KLRC2: variants seen among roughly 807,000 people sequenced by gnomAD.
KLRC2 encodes killer cell lectin like receptor C2.
KLRC2 carries 10 observed loss-of-function variants against 25.5 expected under a neutral mutation model. The observed-to-expected ratio is 0.39, with a 90% CI of 0.24 to 0.67. The LOEUF is 0.67. KLRC2 is among the 30% of genes least tolerant of loss of function. The pLI, the probability that KLRC2 is intolerant of heterozygous loss-of-function variation, is 0.45. For synonymous variants in KLRC2, 48 were observed against 93.3 expected (o/e 0.51, Z 2.80); for missense variants, 170 against 272.8 (o/e 0.62, Z 2.65).
intron 4 of KLRC2, 97 bp downstream of exon 4, chr12:10,433,694 G>A (rs1863838879): frequency 4.9e-6 from 6 of 1,235,566 alleles, no homozygotes; most frequent in East Asian, 2.6e-5. Flanking sequence ...GAAAATATAT[G>A]AGATAAATAT....
chr12:10,431,059 T>A lies in KLRC2; in HGVS notation c.*58A>T. 9 of 1,257,168 alleles carry A rather than the reference T, an allele frequency of 7.2e-6. No individual in the cohort carries two copies. The highest frequency in any genetic ancestry group is 8.8e-6 in the Non-Finnish European group (8 of 906,624). 77.9% of individuals were successfully genotyped at this position (1,257,168 alleles called of 1,614,324 possible). ...TTTCAGATTTATGCAATCATAATAT[T>A]TCTATTTTAAGAAATATAAAATGTA... On this transcript the variant is annotated 3_prime_UTR_variant, in exon 6 of 6. Coordinates refer to ENST00000381902, the MANE Select transcript of KLRC2 (RefSeq NM_002260.4).
chr12:10,432,087 G>T lies in KLRC2; in HGVS notation c.584+19C>A. 1 of 1,448,974 alleles carries T rather than the reference G, an allele frequency of 6.9e-7. No individual in the cohort carries two copies. Among genetic ancestry groups the T allele is most frequent in the Non-Finnish European group, 9.5e-7 (1 of 1,055,200 alleles). 89.8% of individuals were successfully genotyped at this position (1,448,974 alleles called of 1,614,324 possible). On this transcript the variant is annotated intron_variant, in intron 5 of 5. Coordinates refer to ENST00000381902, the MANE Select transcript of KLRC2 (RefSeq NM_002260.4). ...CCTTTATATATATTTTTTATATAGC[G>T]CCATACAAAAGAACTTACTTATGTT...
chr12:10,431,274 A>G, intron 5 of KLRC2, 46 bp from the exon 6 acceptor site: 1 of 1,511,704 alleles, frequency 6.6e-7, no homozygotes, highest in Non-Finnish European at 9.1e-7. Context: ...TAAGCAAATG[A>G]TTCATGAGAC....
intron 4 of KLRC2, 67 bp from the exon 5 acceptor site, chr12:10,432,273 A>C: frequency 9.3e-7 from 1 of 1,080,268 alleles, no homozygotes; most frequent in South Asian, 1.7e-5. Flanking sequence ...CAATATATTA[A>C]AGTTGAAAAC....
chr12:10,433,426 G>T (rs966836996), intron 4 of KLRC2, among the ~76,000 whole-genome samples: 1 of 139,980 alleles, frequency 7.1e-6, no homozygotes, highest in Non-Finnish European at 1.5e-5. Flanking sequence ...GGCATACACA[G>T]GGGTGGAACT....
At position 10,432,646 on chromosome 12, in the gene KLRC2, A is replaced by C. The variant is rs1418576975; in HGVS notation, c.484-440T>G. 2.9e-5 allele frequency among the ~76,000 whole-genome samples: 4 copies of C among 138,254 alleles called. 1 individual carries two copies. Among genetic ancestry groups the C allele is most frequent in the African/African-American group, 5.6e-5 (2 of 35,892 alleles). 90.7% of individuals were successfully genotyped at this position (138,254 alleles called of 152,430 possible). A position where few individuals can be genotyped will look rare whatever the true frequency, so the allele number is the denominator to read the frequency against. On this transcript the variant is annotated intron_variant, in intron 4 of 5. Coordinates refer to ENST00000381902, the MANE Select transcript of KLRC2 (RefSeq NM_002260.4). ...CATTCTTTAACTAGATAAGCCCTCA[A>C]TTTTTATCCGATTCGGTTTTTGCGG...
At chr12:10,434,732 T>A (rs1411047717) in intron 2 of KLRC2, among the ~76,000 whole-genome samples, 1 of 151,808 alleles carries the variant, frequency 6.6e-6, no homozygotes, top group Non-Finnish European at 1.5e-5. Flanking sequence ...AACTTCACCA[T>A]CTCTTGTAGT....
chr12:10,434,159 T>C (rs1565507411), intron 3 of KLRC2: 3 of 817,586 alleles, frequency 3.7e-6, no homozygotes, highest in South Asian at 1.5e-5. Flanking sequence ...ATAAAGCAAA[T>C]GAACAAACAA....
At position 10,430,940 on chromosome 12, in the gene KLRC2, C is replaced by T; in HGVS notation, c.*177G>A. ...CATGTTGAGCAAAATGAGCCCGACA[C>T]AAATGCTAGGATGTCTGTACTTTAG... On this transcript the variant is annotated 3_prime_UTR_variant, in exon 6 of 6. Coordinates refer to ENST00000381902, the MANE Select transcript of KLRC2 (RefSeq NM_002260.4). 1.7e-6 allele frequency: 2 copies of T among 1,187,274 alleles called. 1 individual carries two copies. The highest frequency in any genetic ancestry group is 2.2e-6 in the Non-Finnish European group (2 of 912,592). 73.5% of individuals were successfully genotyped at this position (1,187,274 alleles called of 1,614,324 possible).
Position 10,430,883 on chromosome 12 carries a change from C to T in KLRC2, c.*234G>A, listed in dbSNP as rs1863803500. ...CCTATAAGCTGACTCACATAACATGCAACTTTTAGAAAGGCTGAAAACCAC... is the reference window on the plus strand; with the variant it reads ...CCTATAAGCTGACTCACATAACATGTAACTTTTAGAAAGGCTGAAAACCAC... On this transcript the variant is annotated 3_prime_UTR_variant, in exon 6 of 6. Transcript: ENST00000381902. 3 of 885,538 alleles carry T rather than the reference C, an allele frequency of 3.4e-6. No homozygotes were observed. Among genetic ancestry groups the T allele is most frequent in the South Asian group, 4.3e-5 (2 of 46,796 alleles). The allele number at this position is 885,538 out of a possible 1,614,324, so 54.9% of individuals were successfully genotyped here. A position where few individuals can be genotyped will look rare whatever the true frequency, so the allele number is the denominator to read the frequency against.
chr12:10,431,122 G>C lies in KLRC2; in HGVS notation c.691C>G (p.Leu231Val). 1 of 1,519,724 alleles carries C rather than the reference G, an allele frequency of 6.6e-7. No homozygotes were observed. The highest frequency in any genetic ancestry group is 9.0e-7 in the Non-Finnish European group (1 of 1,109,562). 94.1% of individuals were successfully genotyped at this position (1,519,724 alleles called of 1,614,324 possible). The change falls in exon 6 of 6, where the codon CTT becomes GTT. Residue 231 changes from leucine to valine, a missense_variant. By Grantham distance (32) the Leu-to-Val change is conservative (BLOSUM62 1). Coordinates refer to ENST00000381902, the MANE Select transcript of KLRC2 (RefSeq NM_002260.4). The part of the protein sequence containing the change: ...SSMIYHCKHK[L>V] ...CAAACGCAAATGCTTTACTTCTAAA[G>C]CTTATGCTTACAATGATATATCATT...
At chr12:10,431,948 G>A (rs951940952) in intron 5 of KLRC2, among the ~76,000 whole-genome samples, 158 bp downstream of exon 5, 1 of 140,874 alleles carries the variant, frequency 7.1e-6, no homozygotes, top group African/African-American at 2.7e-5. Flanking sequence ...TGAAATATAT[G>A]GACTACTATG....
chr12:10,434,192 G>T, intron 3 of KLRC2: 1 of 663,174 alleles, frequency 1.5e-6, no homozygotes. Context: ...CACATGTGTT[G>T]AACATCGCTG....
In KLRC2 at chr12:10,433,799, C is replaced by A; in HGVS notation, c.475G>T (p.Glu159Ter). 6.5e-7 allele frequency: 1 copy of A among 1,548,648 alleles called. No homozygotes were observed. Among genetic ancestry groups the A allele is most frequent in the Non-Finnish European group, 8.8e-7 (1 of 1,135,210 alleles). The change falls in exon 4 of 6, where the codon GAA (glutamate) becomes TAA (stop). Residue 159 changes from glutamate (E) to a stop codon, truncating the protein, a stop_gained. Coordinates refer to ENST00000381902, the MANE Select transcript of KLRC2 (RefSeq NM_002260.4). LOFTEE classifies it high-confidence loss of function. The stretch of plus-strand genomic sequence containing the variant: ...AAACATTTACATCTTACCATTTCTT[C>A]TTCATTATCTATAGAAAGCAGACTG... ...NSSLLSIDNE[E>*]EMKFLASILP... is the part of the protein sequence containing the mutation.
intron 4 of KLRC2, among the ~76,000 whole-genome samples, chr12:10,432,894 C>T (rs1219716465): frequency 7.3e-6 from 1 of 137,672 alleles, no homozygotes; most frequent in South Asian, 2.3e-4. Flanking sequence ...GTGACCTAGG[C>T]CTGCTGTTTC....
rs549790432 is a variant in KLRC2, at chr12:10,431,901, G to C, written c.584+205C>G. On this transcript the variant is annotated intron_variant, in intron 5 of 5. Transcript: ENST00000381902. ...AAGATGGGACACCCCTGGTCCATCT[G>C]ATAACCAAGAAGGTTACTAGCAGAC... Among the ~76,000 whole-genome samples, 20 of 140,732 alleles carry C rather than the reference G, an allele frequency of 1.4e-4. 1 individual carries two copies. The highest frequency in any genetic ancestry group is 1.1e-3 in the East Asian group (5 of 4,710). The allele number at this position is 140,732 out of a possible 152,430, so 92.3% of individuals were successfully genotyped here. A position where few individuals can be genotyped will look rare whatever the true frequency, so the allele number is the denominator to read the frequency against.
chr12:10,433,731 C>A, intron 4 of KLRC2, 60 bp downstream of exon 4: 1 of 1,465,428 alleles, frequency 6.8e-7, no homozygotes, highest in Non-Finnish European at 9.4e-7. Context: ...ATGTTTTCTA[C>A]AAATGTATTA....
At chr12:10,431,967 T>C in intron 5 of KLRC2, 139 bp downstream of exon 5, 1 of 814,280 alleles carries the variant, frequency 1.2e-6, no homozygotes, top group Non-Finnish European at 1.8e-6. Context: ...TGGTCTATTG[T>C]AAAATATTTA....
intron 5 of KLRC2, among the ~76,000 whole-genome samples, chr12:10,431,660 T>A (rs1474529975): frequency 7.0e-6 from 1 of 142,290 alleles, no homozygotes; most frequent in Admixed American, 6.9e-5. Flanking sequence ...AGCACTGCAG[T>A]TCCCTGATAG....
Sources: gnomAD v4.1 joint callset for allele counts (sites outside exome capture counted in the v4.1 genomes callset) on GRCh38, gnomAD v4.1.1 for gene constraint, MANE v1.5 for transcripts, NCBI Gene and HGNC (gene_info 2026-07-23, HGNC 2026-07-21) for gene names.